SOBP: variants seen among roughly 807,000 people sequenced by gnomAD.
SOBP encodes the protein sine oculis binding protein homolog.
Under a neutral mutation model 53.6 loss-of-function variants are expected in SOBP, and 4 were observed. That is an observed-to-expected ratio of 0.07 (90% CI 0.04 to 0.17). The LOEUF (loss-of-function observed/expected upper bound fraction) is 0.17. SOBP is among the 10% of genes least tolerant of loss of function. SOBP has a pLI of 1.00. For missense variants in SOBP, 1,088 were observed against 1,204.7 expected, an observed-to-expected ratio of 0.90 and a Z score of 1.43; for synonymous variants, 584 against 522.6, an observed-to-expected ratio of 1.12 and a Z score of -1.60.
At position 107,660,860 on chromosome 6, in the gene SOBP, C is replaced by T. The variant is rs1359429434; in HGVS notation, c.*2657C>T. On this transcript the variant is annotated 3_prime_UTR_variant, in exon 7 of 7. Transcript: ENST00000317357. ...AATCTGAGGCACCACGAGCAGCTCC[C>T]TTGAAGTGATCATCCTGTGGATTCC... Among the ~76,000 whole-genome samples the T allele has an allele frequency of 6.6e-6, 1 of 152,212 alleles. No individual in the cohort carries two copies. Among genetic ancestry groups the T allele is most frequent in the Non-Finnish European group, 1.5e-5 (1 of 68,036 alleles).
chr6:107,641,670 A>C (rs1771326139), intron 6 of SOBP, among the ~76,000 whole-genome samples: 1 of 152,184 alleles, frequency 6.6e-6, no homozygotes, highest in Admixed American at 6.5e-5. Flanking sequence ...GGCACTGGAA[A>C]TCAGTTCCCT....
At chr6:107,522,536 A>AATT (rs1783541199) in intron 3 of SOBP, among the ~76,000 whole-genome samples, 6 of 48,222 alleles carry the variant, frequency 1.2e-4, no homozygotes, top group Admixed American at 2.9e-4. Flanking sequence ...TAGTATAAAA[A>AATT]CTTTTTTTTT....
chr6:107,582,835 A>G (rs1242314900), intron 4 of SOBP, among the ~76,000 whole-genome samples: 3 of 152,252 alleles, frequency 2.0e-5, no homozygotes, highest in African/African-American at 7.2e-5. Context: ...GTGGATATCT[A>G]GAGCCGACAG....
At chr6:107,499,517 G>A (rs1252049813) in intron 1 of SOBP, among the ~76,000 whole-genome samples, 1 of 152,220 alleles carries the variant, frequency 6.6e-6, no homozygotes, top group Non-Finnish European at 1.5e-5. Context: ...CCAAGGGCAA[G>A]AAGCAGTCTG....
intron 6 of SOBP, among the ~76,000 whole-genome samples, chr6:107,648,279 G>A (rs1027675495): frequency 5.3e-5 from 8 of 152,148 alleles, no homozygotes; most frequent in South Asian, 2.1e-4. Context: ...TTGGAAGGCC[G>A]CAGTCTTGAG....
chr6:107,587,014 T>C, intron 4 of SOBP, 66 bp from the exon 5 acceptor site: 1 of 1,218,826 alleles, frequency 8.2e-7, no homozygotes, highest in African/African-American at 1.5e-5. Flanking sequence ...TGAGCTGTTA[T>C]GCTTTTTAGC....
intron 6 of SOBP, among the ~76,000 whole-genome samples, chr6:107,649,190 A>T (rs929576816): frequency 9.5e-6 from 1 of 105,648 alleles, no homozygotes; most frequent in Non-Finnish European, 2.0e-5. Flanking sequence ...AAAAAAAAAA[A>T]CCATCAGGAG....
chr6:107,510,435 G>A (rs1362220546), intron 3 of SOBP: 2 of 152,206 alleles, frequency 1.3e-5, no homozygotes, highest in African/African-American at 4.8e-5. Context: ...TATTTGGTGA[G>A]CTTGACACAA....
chr6:107,551,880 G>A (rs562458618), intron 4 of SOBP, among the ~76,000 whole-genome samples: 40 of 152,234 alleles, frequency 2.6e-4, no homozygotes, highest in African/African-American at 9.4e-4. Context: ...AATTAGCTGG[G>A]CATGGTGGTG....
rs1230772944 is a variant in SOBP, at chr6:107,508,741, T to TG, written c.421+2315dup. ...TATTGTGCCCCTGTTCTCCTTTGGT[T>TG]GATTGTTTTGTGATACGGAGGGGTC... On this transcript the variant is annotated intron_variant, in intron 3 of 6. Coordinates refer to ENST00000317357, the MANE Select transcript of SOBP (RefSeq NM_018013.4). 3.9e-5 allele frequency among the ~76,000 whole-genome samples: 6 copies of TG among 152,340 alleles called. No homozygotes were observed. In the East Asian group the frequency reaches 1.2e-3, roughly 29 times the overall value.
intron 4 of SOBP, among the ~76,000 whole-genome samples, chr6:107,574,219 A>T (rs1489954685): frequency 6.6e-6 from 1 of 152,214 alleles, no homozygotes; most frequent in African/African-American, 2.4e-5. Flanking sequence ...TCTTTGTTAT[A>T]CTAGGATACT....
rs548640491 is a variant in SOBP at position 107,615,634 on chromosome 6, C to T, written c.670-17880C>T. 3.3e-5 allele frequency among the ~76,000 whole-genome samples: 5 copies of T among 152,158 alleles called. No homozygotes were observed. The South Asian group carries it at 6.2e-4, about 19-fold the overall frequency. ...GAATTATTCAAAGGATGGTGTGTTCCCCAAGGGAAAAATCTGATTGTGAGA... is the reference window on the plus strand; with the variant it reads ...GAATTATTCAAAGGATGGTGTGTTCTCCAAGGGAAAAATCTGATTGTGAGA... On this transcript the variant is annotated intron_variant, in intron 5 of 6. Coordinates refer to ENST00000317357, the MANE Select transcript of SOBP (RefSeq NM_018013.4).
rs368511797 is a variant in SOBP at position 107,506,248 on chromosome 6, C to A, written c.242C>A (p.Ser81Tyr). 3.1e-5 allele frequency: 50 copies of A among 1,613,876 alleles called. No homozygotes were observed. Among genetic ancestry groups the A allele is most frequent in the Non-Finnish European group, 4.1e-5 (48 of 1,179,950 alleles). ...RQHISVLKEN[S>Y]LPKPKLPEDS... ...TGATTTTTTTCTTTTACAGAAAATT[C>A]TTTGCCAAAACCAAAATTACCCGAG... Residue 81 changes from serine to tyrosine, a missense_variant, in exon 3 of 7, where the codon TCT (serine) becomes TAT (tyrosine). This residue lies in a region of SOBP where 112 missense variants were observed against 117.9 expected (regional missense o/e 0.95). Transcript: ENST00000317357.
intron 5 of SOBP, among the ~76,000 whole-genome samples, chr6:107,626,078 T>A (rs1202986720): frequency 3.3e-5 from 5 of 151,826 alleles, no homozygotes; most frequent in Non-Finnish European, 5.9e-5. Context: ...AATATATACT[T>A]GAAAAACAAA....
chr6:107,560,299 G>A (rs1352657178), intron 4 of SOBP, among the ~76,000 whole-genome samples: 1 of 109,816 alleles, frequency 9.1e-6, no homozygotes. Context: ...GATAGGAGTA[G>A]CCCTGGAAGG....
intron 5 of SOBP, among the ~76,000 whole-genome samples, chr6:107,615,220 G>A (rs1786742421): frequency 6.6e-6 from 1 of 152,204 alleles, no homozygotes; most frequent in African/African-American, 2.4e-5. Flanking sequence ...TCAGACATTT[G>A]AAGGACATAA....
At chr6:107,498,104 G>T (rs1296070088) in intron 1 of SOBP, among the ~76,000 whole-genome samples, 2 of 152,180 alleles carry the variant, frequency 1.3e-5, no homozygotes, top group African/African-American at 4.8e-5. Context: ...ACTGGATTAA[G>T]TGCTAAGCAT....
Position 107,605,032 on chromosome 6 carries a change from G to T in SOBP, c.669+17857G>T, listed in dbSNP as rs377092136. Among the ~76,000 whole-genome samples the T allele has an allele frequency of 9.2e-5, 14 of 152,246 alleles. No individual in the cohort carries two copies. The East Asian group carries it at 1.2e-3, about 13-fold the overall frequency. On this transcript the variant is annotated intron_variant, in intron 5 of 6. Coordinates refer to ENST00000317357, the MANE Select transcript of SOBP (RefSeq NM_018013.4). ...TCAGGTCCCAGTCACCTGTCAGTCT[G>T]CTCAGAGCCCTCTTCCTCCTCCCCC...
chr6:107,501,500 T>C (rs969611549), intron 1 of SOBP, among the ~76,000 whole-genome samples: 1 of 152,226 alleles, frequency 6.6e-6, no homozygotes, highest in Non-Finnish European at 1.5e-5. Flanking sequence ...GTAAAAGATA[T>C]TCTGTCTTGG....
Sources: allele counts gnomAD v4.1 joint callset (sites outside exome capture counted in the v4.1 genomes callset), GRCh38; gene constraint gnomAD v4.1.1; regional missense constraint gnomAD v4.1.1; transcripts MANE v1.5; gene names NCBI Gene and HGNC (gene_info 2026-07-23, HGNC 2026-07-21).